ALG14: variants seen among roughly 807,000 people sequenced by gnomAD.
ALG14 encodes the protein UDP-N-acetylglucosamine transferase subunit ALG14.
Under a neutral mutation model 22.8 loss-of-function variants are expected in ALG14, and 17 were observed. The observed-to-expected ratio is 0.75, with a 90% CI of 0.51 to 1.12. The LOEUF (loss-of-function observed/expected upper bound fraction) is 1.12, where lower values mean the gene tolerates loss of function less well. Ranked by LOEUF, ALG14 falls within the 50% of genes most tolerant of loss-of-function variation. ALG14 has a pLI of 0.00. For missense variants in ALG14, 288 were observed against 271.8 expected (o/e 1.06, Z -0.42); for synonymous variants, 89 against 103.7 (o/e 0.86, Z 0.86).
intron 3 of ALG14, among the ~76,000 whole-genome samples, chr1:94,994,621 TAC>T (rs1430492847): frequency 6.6e-6 from 1 of 152,186 alleles, no homozygotes; most frequent in Non-Finnish European, 1.5e-5. Flanking sequence ...TGTGAGATCA[TAC>T]AGTTAGCTAG....
At chr1:95,031,379 T>TA (rs1673995844) in intron 2 of ALG14, among the ~76,000 whole-genome samples, 1 of 152,154 alleles carries the variant, frequency 6.6e-6, no homozygotes, top group African/African-American at 2.4e-5. Context: ...GTGGAAGCCC[T>TA]AACCGTGACA....
intron 2 of ALG14, among the ~76,000 whole-genome samples, chr1:95,060,395 C>T (rs1047320701): frequency 3.3e-5 from 5 of 151,996 alleles, no homozygotes; most frequent in East Asian, 1.9e-4. Flanking sequence ...CATTGCACTT[C>T]GAAAATACAA....
At chr1:94,987,796 T>G (rs1392316915) in intron 3 of ALG14, among the ~76,000 whole-genome samples, 1 of 152,180 alleles carries the variant, frequency 6.6e-6, no homozygotes, top group Non-Finnish European at 1.5e-5. Flanking sequence ...CTGGGTTGGT[T>G]TGTAGGTCAG....
intron 3 of ALG14, among the ~76,000 whole-genome samples, chr1:94,991,243 A>C (rs1256556046): frequency 1.3e-5 from 2 of 152,238 alleles, no homozygotes; most frequent in Admixed American, 1.3e-4. Context: ...TAGGCAGAAA[A>C]TAATAGATAT....
chr1:95,040,207 A>ATAAC (rs1040010148), intron 2 of ALG14, among the ~76,000 whole-genome samples: 3 of 150,382 alleles, frequency 2.0e-5, no homozygotes, highest in African/African-American at 7.5e-5. Flanking sequence ...AAATAAATAA[A>ATAAC]TAAGATTCCT....
chr1:95,034,244 T>G (rs1478453434), intron 2 of ALG14, among the ~76,000 whole-genome samples: 1 of 152,236 alleles, frequency 6.6e-6, no homozygotes, highest in Non-Finnish European at 1.5e-5. Flanking sequence ...CCACACTGTC[T>G]TGTTTTACCA....
chr1:95,050,929 G>C (rs1674725708), intron 2 of ALG14, among the ~76,000 whole-genome samples: 2 of 146,950 alleles, frequency 1.4e-5, no homozygotes, highest in African/African-American at 5.1e-5. Flanking sequence ...GCAGTGGTGT[G>C]ATCTCCACTT....
At chr1:95,022,440 A>G in intron 3 of ALG14, 8 of 841,444 alleles carry the variant, frequency 9.5e-6, no homozygotes, top group Non-Finnish European at 1.1e-5. Context: ...CACTTCTCGC[A>G]GTGGACTCTG....
intron 3 of ALG14, among the ~76,000 whole-genome samples, chr1:94,987,977 G>A (rs981227654): frequency 8.5e-5 from 13 of 152,338 alleles, no homozygotes; most frequent in South Asian, 4.2e-4. Flanking sequence ...TGATGGAGGT[G>A]AAGGCTGGAG....
In ALG14 at chr1:95,027,184, G is replaced by A; in HGVS notation, c.365C>T (p.Thr122Ile). 2 of 1,614,174 alleles carry A rather than the reference G, an allele frequency of 1.2e-6. No homozygotes were observed. The highest frequency in any genetic ancestry group is 1.7e-6 in the Non-Finnish European group (2 of 1,179,998). ...AAAGGAGAGCCACATGGAGTGCAAGGTGGTGAAAACGGTGGAGGGCCAGGA... is the reference window on the plus strand; with the variant it reads ...AAAGGAGAGCCACATGGAGTGCAAGATGGTGAAAACGGTGGAGGGCCAGGA... The part of the protein sequence containing the change: ...QQSWPSTVFT[T>I]LHSMWLSFPL... The change falls in exon 3 of 4, where the codon ACC becomes ATC. Residue 122 changes from threonine (T) to isoleucine (I), a missense_variant. Coordinates refer to ENST00000370205, the MANE Select transcript of ALG14 (RefSeq NM_144988.4).
chr1:95,066,101 C>G (rs1031266335), intron 1 of ALG14, among the ~76,000 whole-genome samples: 18 of 152,094 alleles, frequency 1.2e-4, no homozygotes, highest in African/African-American at 3.9e-4. Flanking sequence ...ATGCTGCTCC[C>G]CCTACCTACA....
chr1:95,020,748 AAAC>A (rs1489131001), intron 3 of ALG14, among the ~76,000 whole-genome samples: 3 of 151,596 alleles, frequency 2.0e-5, no homozygotes, highest in African/African-American at 4.9e-5. Flanking sequence ...CAAAAAAAAA[AAAC>A]AAAACAAAAA....
At chr1:95,046,040 ATATACTCAG>A (rs1361739725) in intron 2 of ALG14, among the ~76,000 whole-genome samples, 3 of 150,994 alleles carry the variant, frequency 2.0e-5, no homozygotes, top group African/African-American at 7.3e-5. Flanking sequence ...TTCTATTAGT[ATATACTCAG>A]TATACTCAGT....
chr1:95,040,985 G>A (rs775852194), intron 2 of ALG14, among the ~76,000 whole-genome samples: 6 of 152,194 alleles, frequency 3.9e-5, no homozygotes, highest in Non-Finnish European at 8.8e-5. Context: ...TAGAGATAGA[G>A]GAAGGAATAA....
rs1672533581 is a variant in ALG14, at chr1:94,982,945, T to C, written c.*131A>G. ...CTTCACTGAGTCATCTGTACATTTTTTATTCCTTACCATCAATAATTCTCA... is the reference window on the plus strand; with the variant it reads ...CTTCACTGAGTCATCTGTACATTTTCTATTCCTTACCATCAATAATTCTCA... On this transcript the variant is annotated 3_prime_UTR_variant, in exon 4 of 4. Transcript: ENST00000370205. 2.8e-6 allele frequency: 2 copies of C among 717,844 alleles called. No homozygotes were observed. Among genetic ancestry groups the C allele is most frequent in the Non-Finnish European group, 4.6e-6 (2 of 430,578 alleles). 44.5% of individuals were successfully genotyped at this position (717,844 alleles called of 1,614,324 possible).
chr1:95,010,705 T>C (rs1644843174), intron 3 of ALG14, among the ~76,000 whole-genome samples: 2 of 152,238 alleles, frequency 1.3e-5, no homozygotes, highest in African/African-American at 4.8e-5. Context: ...AGCTATTGTA[T>C]ACTGATATTT....
intron 3 of ALG14, among the ~76,000 whole-genome samples, chr1:95,023,599 G>A (rs1168460945): frequency 6.6e-6 from 1 of 152,188 alleles, no homozygotes; most frequent in Non-Finnish European, 1.5e-5. Flanking sequence ...CAGGCAAAGA[G>A]GCAGAGTATT....
intron 1 of ALG14, among the ~76,000 whole-genome samples, chr1:95,071,806 A>C (rs751833932): frequency 6.6e-5 from 10 of 152,218 alleles, no homozygotes; most frequent in Non-Finnish European, 1.3e-4. Flanking sequence ...CCCTTCCTGA[A>C]GACTGCCATA....
chr1:95,048,140 C>T (rs1253269984), intron 2 of ALG14, among the ~76,000 whole-genome samples: 2 of 152,146 alleles, frequency 1.3e-5, no homozygotes, highest in African/African-American at 2.4e-5. Context: ...AGAATCAGCA[C>T]TCATTTTGTA....
Sources: gnomAD v4.1 joint callset for allele counts (sites outside exome capture counted in the v4.1 genomes callset) on GRCh38, gnomAD v4.1.1 for gene constraint, MANE v1.5 for transcripts, NCBI Gene and HGNC (gene_info 2026-07-23, HGNC 2026-07-21) for gene names.